The following VGLL4 variants were observed in gnomAD, a reference collection of about 807,000 sequenced individuals.
VGLL4 encodes the protein transcription cofactor vestigial-like protein 4.
A neutral mutation model predicts 21.0 loss-of-function variants in VGLL4; 7 were observed. The ratio of observed to expected loss-of-function variants is 0.33; its 90% CI spans 0.19 to 0.63. The LOEUF (loss-of-function observed/expected upper bound fraction) is 0.63, where lower values mean the gene tolerates loss of function less well. VGLL4 is among the 20% of genes least tolerant of loss of function. The probability of loss-of-function intolerance (pLI) is 0.78; values close to 1 mark genes in which losing one functional copy is unlikely to be tolerated. For missense variants in VGLL4, 394 were observed against 425.7 expected (o/e 0.93, Z 0.66); for synonymous variants, 222 against 173.2 (o/e 1.28, Z -2.21).
At chr3:11,665,391 GCCTGAGCCA>G (rs1476828024) in intron 2 of VGLL4, among the ~76,000 whole-genome samples, 1 of 152,128 alleles carries the variant, frequency 6.6e-6, no homozygotes, top group East Asian at 1.9e-4. Flanking sequence ...GGGATTACAG[GCCTGAGCCA>G]CCGCGCCCGG....
chr3:11,601,793 C>G, intron 2 of VGLL4, 40 bp downstream of exon 2: 1 of 1,607,556 alleles, frequency 6.2e-7, no homozygotes, highest in Non-Finnish European at 8.5e-7. Flanking sequence ...GGCCCCAGCA[C>G]GGAGCACCCT....
intron 1 of VGLL4, among the ~76,000 whole-genome samples, chr3:11,631,486 C>T (rs2075476586): frequency 6.6e-6 from 1 of 152,004 alleles, no homozygotes; most frequent in Admixed American, 6.6e-5. Context: ...AGGATCAAAC[C>T]CATCAACTAA....
Position 11,638,138 on chromosome 3 carries a change from T to C in VGLL4, c.82+5299A>G, listed in dbSNP as rs539978400. ...CACAGTCAGGGAGAACTAAGCTATATTGAGAAGTTTGGAATCTCCTCACGT... is the reference window on the plus strand; with the variant it reads ...CACAGTCAGGGAGAACTAAGCTATACTGAGAAGTTTGGAATCTCCTCACGT... On this transcript the variant is annotated intron_variant, in intron 1 of 4. Transcript: ENST00000430365. 5.9e-5 allele frequency among the ~76,000 whole-genome samples: 9 copies of C among 152,324 alleles called. 1 individual carries two copies. Among genetic ancestry groups the C allele is most frequent in the Admixed American group, 2.0e-4 (3 of 15,304 alleles).
intron 1 of VGLL4, among the ~76,000 whole-genome samples, chr3:11,634,835 C>G (rs1298598268): frequency 6.6e-6 from 1 of 152,008 alleles, no homozygotes; most frequent in African/African-American, 2.4e-5. Context: ...GCATGCCTGG[C>G]TAATTTTTAT....
At chr3:11,708,529 G>A (rs367613465) in intron 1 of VGLL4, among the ~76,000 whole-genome samples, 3 of 152,110 alleles carry the variant, frequency 2.0e-5, no homozygotes, top group Admixed American at 2.0e-4. Flanking sequence ...GCCAGGTCAC[G>A]TGTGCCTGGA....
chr3:11,592,735 T>G (rs1015436944), intron 2 of VGLL4, among the ~76,000 whole-genome samples: 21 of 152,158 alleles, frequency 1.4e-4, no homozygotes, highest in Non-Finnish European at 2.5e-4. Flanking sequence ...ATCCTGGCTC[T>G]GGTACTTACC....
intron 2 of VGLL4, among the ~76,000 whole-genome samples, chr3:11,579,080 C>T (rs2074149003): frequency 6.6e-6 from 1 of 151,888 alleles, no homozygotes; most frequent in Non-Finnish European, 1.5e-5. Flanking sequence ...ACTAATAGAC[C>T]GTAAGGACCT....
rs1237313798 is a variant in VGLL4, at chr3:11,653,659, C to T, written c.64+49312G>A. On this transcript the variant is annotated intron_variant, in intron 2 of 5. Coordinates refer to the VGLL4 transcript ENST00000273038. This position sits in a 1 kb window ranked among gnomAD's most constrained non-coding sequence, Gnocchi z 4.2. ...TCGCACATGTACTCAGAAGCAGATA[C>T]GCAGAAAGTGTATGTTCAGCTTAAG... Among the ~76,000 whole-genome samples the T allele has an allele frequency of 4.6e-5, 7 of 152,166 alleles. 1 individual carries two copies. Among genetic ancestry groups the T allele is most frequent in the Admixed American group, 2.6e-4 (4 of 15,274 alleles).
chr3:11,622,497 T>C (rs17034874), intron 1 of VGLL4, among the ~76,000 whole-genome samples: 3,196 of 152,308 alleles, frequency 0.021, 102 homozygotes, highest in African/African-American at 0.071. Context: ...AAAGCCATGC[T>C]GACAATGATT....
chr3:11,571,894 C>A (rs551880627), intron 2 of VGLL4, among the ~76,000 whole-genome samples: 3 of 152,126 alleles, frequency 2.0e-5, no homozygotes, highest in Admixed American at 2.0e-4. Context: ...ATGGCTTTAG[C>A]CTAGGAATTC....
At chr3:11,588,173 A>G (rs1046362261) in intron 2 of VGLL4, among the ~76,000 whole-genome samples, 1 of 152,168 alleles carries the variant, frequency 6.6e-6, no homozygotes, top group African/African-American at 2.4e-5. Flanking sequence ...TTTTTCATTC[A>G]CACATTTACT....
At chr3:11,628,187 G>A (rs13080441) in intron 1 of VGLL4, among the ~76,000 whole-genome samples, 80,978 of 151,748 alleles carry the variant, frequency 0.53, 23,072 homozygotes, top group East Asian at 0.69. Flanking sequence ...TCGGGAATTC[G>A]AGACCAGCCT....
intron 2 of VGLL4, among the ~76,000 whole-genome samples, chr3:11,684,215 A>G (rs915591641): frequency 4.6e-5 from 7 of 152,144 alleles, no homozygotes; most frequent in Non-Finnish European, 5.9e-5. Context: ...TCACAAAGAA[A>G]AAGGAAGGAC....
At chr3:11,672,040 CA>C (rs2076225233) in intron 2 of VGLL4, among the ~76,000 whole-genome samples, 1 of 151,730 alleles carries the variant, frequency 6.6e-6, no homozygotes, top group Non-Finnish European at 1.5e-5. Flanking sequence ...TTATCTCCTG[CA>C]AAGCGGAATA....
chr3:11,667,777 A>T (rs747705610), intron 2 of VGLL4, among the ~76,000 whole-genome samples: 25 of 150,530 alleles, frequency 1.7e-4, no homozygotes, highest in Non-Finnish European at 3.1e-4. Flanking sequence ...CAATTAACAA[A>T]CGTTCCTTAC....
chr3:11,694,815 C>T (rs1339431388), intron 2 of VGLL4, among the ~76,000 whole-genome samples: 1 of 152,080 alleles, frequency 6.6e-6, no homozygotes, highest in Non-Finnish European at 1.5e-5. Context: ...GAACCAAATC[C>T]GGCAGACTGG....
chr3:11,604,665 G>T, intron 1 of VGLL4: 1 of 542,566 alleles, frequency 1.8e-6, no homozygotes, highest in Non-Finnish European at 2.3e-6. Flanking sequence ...ATTTAGGATG[G>T]GGTGAATTTG....
At chr3:11,575,904 G>A (rs2074029293) in intron 2 of VGLL4, among the ~76,000 whole-genome samples, 1 of 152,218 alleles carries the variant, frequency 6.6e-6, no homozygotes, top group Admixed American at 6.5e-5. Context: ...CCTCTAGAGA[G>A]GCGGGACTCA....
chr3:11,567,526 T>G (rs2073592777), intron 2 of VGLL4, among the ~76,000 whole-genome samples: 1 of 152,138 alleles, frequency 6.6e-6, no homozygotes, highest in Non-Finnish European at 1.5e-5. Context: ...GCCACACACA[T>G]CCTGGCGATT....
Sources: allele counts gnomAD v4.1 joint callset (sites outside exome capture counted in the v4.1 genomes callset), GRCh38; gene constraint gnomAD v4.1.1; non-coding constraint Gnocchi (gnomAD v3.1); transcripts MANE v1.5; gene names NCBI Gene and HGNC (gene_info 2026-07-23, HGNC 2026-07-21).